Variants in MAGI2 observed in about 807,000 individuals in gnomAD.
The protein encoded by MAGI2 is membrane-associated guanylate kinase, WW and PDZ domain-containing protein 2.
In MAGI2, 35 loss-of-function variants were observed where a neutral mutation model predicts 133.3. The ratio of observed to expected loss-of-function variants is 0.26; its 90% confidence interval spans 0.20 to 0.35. MAGI2 has a LOEUF of 0.35. Among genes scored for constraint, MAGI2 ranks in the 10% least tolerant of loss-of-function variants. The pLI is 1.00. For synonymous variants in MAGI2, 729 were observed against 710.6 expected, an observed-to-expected ratio of 1.03 and a Z score of -0.41; for missense variants, 1,636 against 1,863.4, an observed-to-expected ratio of 0.88 and a Z score of 2.25.
chr7:78,247,696 C>T (rs1438314401), intron 10 of MAGI2, among the ~76,000 whole-genome samples: 1 of 151,854 alleles, frequency 6.6e-6, no homozygotes, highest in Non-Finnish European at 1.5e-5. Flanking sequence ...CTAGATTAAG[C>T]AGAAGAAAGA....
chr7:78,685,889 T>C (rs1357718740), intron 2 of MAGI2, among the ~76,000 whole-genome samples: 1 of 152,000 alleles, frequency 6.6e-6, no homozygotes, highest in Non-Finnish European at 1.5e-5. Context: ...ACCTCCAAAA[T>C]ATTAGTACTT....
In MAGI2 at chr7:79,372,201, A is replaced by G. The variant is rs900803149; in HGVS notation, c.301+80819T>C. ...CCGGGGCAGGGCCAAAGCCCTGTCA[A>G]GTATGGAGAGGGTTAGTGTTTTGTC... On this transcript the variant is annotated intron_variant, in intron 1 of 21. Coordinates refer to ENST00000354212, the MANE Select transcript of MAGI2 (RefSeq NM_012301.4). 6.6e-5 allele frequency among the ~76,000 whole-genome samples: 10 copies of G among 152,226 alleles called. No homozygotes were observed. The East Asian group carries it at 9.7e-4, about 15-fold the overall frequency.
At chr7:78,676,569 G>A (rs1815054384) in intron 2 of MAGI2, among the ~76,000 whole-genome samples, 1 of 152,142 alleles carries the variant, frequency 6.6e-6, no homozygotes, top group African/African-American at 2.4e-5. Context: ...TGCTAAAGAA[G>A]TGAGAATTGA....
chr7:78,716,229 T>A (rs1487067085), intron 2 of MAGI2, among the ~76,000 whole-genome samples: 1 of 152,232 alleles, frequency 6.6e-6, no homozygotes, highest in Non-Finnish European at 1.5e-5. Context: ...ACTTTTGCTA[T>A]GTTTTATTTT....
chr7:78,839,275 G>T (rs1037390364), intron 2 of MAGI2, among the ~76,000 whole-genome samples: 2 of 152,152 alleles, frequency 1.3e-5, no homozygotes, highest in Admixed American at 6.6e-5. Context: ...ATAGCTGGAG[G>T]TACATTTCTA....
chr7:78,536,188 C>G (rs1347238408), intron 3 of MAGI2, among the ~76,000 whole-genome samples: 2 of 133,400 alleles, frequency 1.5e-5, no homozygotes, highest in South Asian at 2.6e-4. Flanking sequence ...TCTCGGCTCA[C>G]TGCAAGCTCC....
At chr7:79,182,281 A>G (rs976653782) in intron 1 of MAGI2, among the ~76,000 whole-genome samples, 2 of 152,046 alleles carry the variant, frequency 1.3e-5, no homozygotes, top group Non-Finnish European at 2.9e-5. Context: ...TAACAGTTCC[A>G]CATAATTGGG....
chr7:78,825,175 C>T (rs951838977), intron 2 of MAGI2, among the ~76,000 whole-genome samples: 18 of 152,086 alleles, frequency 1.2e-4, no homozygotes, highest in African/African-American at 3.9e-4. Flanking sequence ...ATAGGTGCAG[C>T]AAACCATCAT....
At chr7:78,304,239 C>T (rs1370978770) in intron 9 of MAGI2, among the ~76,000 whole-genome samples, 2 of 152,188 alleles carry the variant, frequency 1.3e-5, no homozygotes, top group African/African-American at 4.8e-5. Context: ...CTTTCCAGCT[C>T]ACTCAGAATA....
chr7:79,041,942 AAG>A (rs1296668220), intron 1 of MAGI2, among the ~76,000 whole-genome samples: 1 of 152,162 alleles, frequency 6.6e-6, no homozygotes, highest in African/African-American at 2.4e-5. Context: ...AAATTTAGGC[AAG>A]CCAAGATTTC....
chr7:79,264,447 T>C (rs1422043431), intron 1 of MAGI2, among the ~76,000 whole-genome samples: 1 of 152,212 alleles, frequency 6.6e-6, no homozygotes, highest in African/African-American at 2.4e-5. Flanking sequence ...ACTTCCTTTT[T>C]AGAGACCAAT....
chr7:79,369,164 A>G (rs1842911734), intron 1 of MAGI2, among the ~76,000 whole-genome samples: 1 of 152,166 alleles, frequency 6.6e-6, no homozygotes, highest in South Asian at 2.1e-4. Context: ...AGGGCTTGAG[A>G]GCAGGCTTTA....
In MAGI2 at chr7:79,220,573, TTGG is replaced by T; in HGVS notation, c.302-213370_302-213368del. On this transcript the variant is annotated intron_variant, in intron 1 of 21. Transcript: ENST00000354212. ...ATGGACCCTTTAAAGAACCTCTTGG[TTGG>T]AAGTCAGAGAAGCGGCAAAGATATG... Among the ~76,000 whole-genome samples, 3 of 151,972 alleles carry T rather than the reference TTGG, an allele frequency of 2.0e-5. 1 individual carries two copies. In the Middle Eastern group the frequency reaches 0.01, roughly 517 times the overall value.
intron 2 of MAGI2, among the ~76,000 whole-genome samples, chr7:78,695,638 A>G (rs1174263105): frequency 6.6e-6 from 1 of 152,220 alleles, no homozygotes; most frequent in African/African-American, 2.4e-5. Flanking sequence ...CTAACTTGTT[A>G]GGGAAATACT....
intron 1 of MAGI2, among the ~76,000 whole-genome samples, chr7:79,314,109 G>T (rs1457733032): frequency 6.6e-6 from 1 of 152,176 alleles, no homozygotes; most frequent in East Asian, 1.9e-4. Context: ...GAGTAGTTGG[G>T]ATTACAGGTG....
chr7:78,426,049 G>A (rs187051241), intron 6 of MAGI2, among the ~76,000 whole-genome samples: 2 of 152,306 alleles, frequency 1.3e-5, no homozygotes, highest in Admixed American at 6.5e-5. Flanking sequence ...ATGAGCAGAT[G>A]AGGACTTTAA....
intron 2 of MAGI2, among the ~76,000 whole-genome samples, chr7:78,636,504 T>C (rs1389046044): frequency 2.0e-5 from 3 of 152,104 alleles, no homozygotes; most frequent in Non-Finnish European, 4.4e-5. Context: ...TCTTAAAACA[T>C]AGGCTGCATC....
chr7:79,024,892 T>G (rs1253604080), intron 1 of MAGI2, among the ~76,000 whole-genome samples: 2 of 152,172 alleles, frequency 1.3e-5, no homozygotes, highest in Non-Finnish European at 2.9e-5. Context: ...GGAACACTTA[T>G]GCATTGCTGC....
At chr7:78,553,038 A>T (rs1799488083) in intron 3 of MAGI2, among the ~76,000 whole-genome samples, 1 of 151,584 alleles carries the variant, frequency 6.6e-6, no homozygotes, top group South Asian at 2.1e-4. Flanking sequence ...CGTCTTAAAA[A>T]CTGTAAGAGG....
Sources: gnomAD v4.1 joint callset for allele counts (sites outside exome capture counted in the v4.1 genomes callset) on GRCh38, gnomAD v4.1.1 for gene constraint, MANE v1.5 for transcripts, NCBI Gene and HGNC (gene_info 2026-07-23, HGNC 2026-07-21) for gene names.